Variants in VSTM4 observed in about 807,000 individuals in gnomAD.
The protein encoded by VSTM4 is V-set and transmembrane domain-containing protein 4.
A neutral mutation model predicts 36.4 loss-of-function variants in VSTM4; 20 were observed. That is an observed-to-expected ratio of 0.55 (90% confidence interval 0.39 to 0.80). The LOEUF (loss-of-function observed/expected upper bound fraction) is 0.80, where lower values mean the gene tolerates loss of function less well. Ranked by LOEUF, VSTM4 falls within the 30% of genes least tolerant of loss-of-function variation. VSTM4 has a pLI of 0.00. For synonymous variants in VSTM4, 182 were observed against 173.9 expected (o/e 1.05, Z -0.37); for missense variants, 392 against 404.5 (o/e 0.97, Z 0.26).
intron 4 of VSTM4, among the ~76,000 whole-genome samples, chr10:49,074,710 A>G (rs1844143645): frequency 6.6e-6 from 1 of 152,230 alleles, no homozygotes; most frequent in Admixed American, 6.5e-5. Context: ...AGATGCAGGT[A>G]CTGGCTAGAG....
At chr10:49,079,316 G>A (rs184844876) in intron 3 of VSTM4, among the ~76,000 whole-genome samples, 1 of 151,368 alleles carries the variant, frequency 6.6e-6, no homozygotes, top group African/African-American at 2.4e-5. Flanking sequence ...AGACCTTTCC[G>A]CCTCAGCCTC....
chr10:49,077,207 C>T lies in VSTM4; in HGVS notation c.634+12G>A, dbSNP rs371318134. 1 of 1,613,158 alleles carries T rather than the reference C, an allele frequency of 6.2e-7. No individual in the cohort carries two copies. The highest frequency in any genetic ancestry group is 1.3e-5 in the African/African-American group (1 of 74,902). Reference sequence around the variant, plus strand: ...GCTCCCATCCCAGACATGACCTTATCTGTTTTCTTACCTCTGGATTTCCGC... The same window carrying T: ...GCTCCCATCCCAGACATGACCTTATTTGTTTTCTTACCTCTGGATTTCCGC... On this transcript the variant is annotated intron_variant, in intron 4 of 7. Coordinates refer to ENST00000332853, the MANE Select transcript of VSTM4 (RefSeq NM_001031746.5).
At chr10:49,054,766 G>C (rs1843750056) in intron 5 of VSTM4, among the ~76,000 whole-genome samples, 1 of 152,190 alleles carries the variant, frequency 6.6e-6, no homozygotes, top group Non-Finnish European at 1.5e-5. Flanking sequence ...CTGAACCACA[G>C]TGCATGTGGC....
intron 4 of VSTM4, among the ~76,000 whole-genome samples, chr10:49,065,325 A>G (rs887443016): frequency 2.0e-5 from 3 of 152,182 alleles, no homozygotes; most frequent in Non-Finnish European, 4.4e-5. Flanking sequence ...AATAGAGGTA[A>G]AGCTGAAACA....
intron 5 of VSTM4, among the ~76,000 whole-genome samples, chr10:49,056,414 C>A (rs542249132): frequency 1.6e-4 from 24 of 152,356 alleles, no homozygotes; most frequent in Admixed American, 8.5e-4. Context: ...TCTGCTCAGC[C>A]AGGGGTAAGG....
Position 49,015,418 on chromosome 10 carries a change from C to A in VSTM4, c.*4232G>T, listed in dbSNP as rs1843090515. On this transcript the variant is annotated 3_prime_UTR_variant, in exon 8 of 8. Transcript: ENST00000332853. Reference sequence around the variant, plus strand: ...TTACAGGCGTGAGCCACCGTGCCCACCCAGGATCTACATTTTAACAAGATC... The same window carrying A: ...TTACAGGCGTGAGCCACCGTGCCCAACCAGGATCTACATTTTAACAAGATC... 6.6e-6 allele frequency: 1 copy of A among 151,728 alleles called. No individual in the cohort carries two copies. The highest frequency in any genetic ancestry group is 2.1e-4 in the South Asian group (1 of 4,786). The allele number at this position is 151,728 out of a possible 1,614,324, so 9.4% of individuals were successfully genotyped here.
intron 4 of VSTM4, among the ~76,000 whole-genome samples, chr10:49,071,805 C>CCCTCAGCT (rs1297420840): frequency 1.3e-5 from 2 of 152,178 alleles, no homozygotes; most frequent in Non-Finnish European, 2.9e-5. Flanking sequence ...TACCTTGATG[C>CCCTCAGCT]CCTCAGCTCC....
intron 7 of VSTM4, among the ~76,000 whole-genome samples, chr10:49,040,906 C>G (rs1454024567): frequency 6.6e-6 from 1 of 152,110 alleles, no homozygotes; most frequent in Non-Finnish European, 1.5e-5. Flanking sequence ...GCTCTGTGGC[C>G]TAGGATCACA....
chr10:49,027,895 T>A (rs1241337967), intron 7 of VSTM4, among the ~76,000 whole-genome samples: 1 of 152,226 alleles, frequency 6.6e-6, no homozygotes, highest in East Asian at 1.9e-4. Flanking sequence ...TTATAAACGT[T>A]CAAATATAGG....
intron 4 of VSTM4, among the ~76,000 whole-genome samples, chr10:49,067,004 A>C (rs911573401): frequency 2.0e-5 from 3 of 152,208 alleles, no homozygotes; most frequent in Admixed American, 2.0e-4. Context: ...CAAAATTTCT[A>C]ACAGTTAAAA....
Position 49,115,432 on chromosome 10 carries a change from C to A in VSTM4, c.54G>T (p.Pro18=), listed in dbSNP as rs1315466754. The change falls in exon 1 of 8, where the codon CCG becomes CCT. Residue 18 remains proline, a splice_region_variant and synonymous_variant. Coordinates refer to ENST00000332853, the MANE Select transcript of VSTM4 (RefSeq NM_001031746.5). ...CCCGCCTGGCCCCGCCGCGCTTACC[C>A]GGAGCCGGAGCCCGCGCCAGCAGCG... ...AAALLARAPA[P]EVCAALNVTV... 3.8e-6 allele frequency: 4 copies of A among 1,042,660 alleles called. No homozygotes were observed. The highest frequency in any genetic ancestry group is 4.6e-6 in the Non-Finnish European group (4 of 863,012). The allele number at this position is 1,042,660 out of a possible 1,614,324, so 64.6% of individuals were successfully genotyped here.
At position 49,016,059 on chromosome 10, in the gene VSTM4, G is replaced by A. The variant is rs1304374615; in HGVS notation, c.*3591C>T. 2 of 152,232 alleles carry A rather than the reference G, an allele frequency of 1.3e-5. No individual in the cohort carries two copies. Among genetic ancestry groups the A allele is most frequent in the African/African-American group, 4.8e-5 (2 of 41,456 alleles). The allele number at this position is 152,232 out of a possible 1,614,324, so 9.4% of individuals were successfully genotyped here. On this transcript the variant is annotated 3_prime_UTR_variant, in exon 8 of 8. Coordinates refer to ENST00000332853, the MANE Select transcript of VSTM4 (RefSeq NM_001031746.5). ...ACACACGGTGCAGCAGGAGCTCAGGGGCTGCAATGCAGCCACTGGGTGTGA... is the reference window on the plus strand; with the variant it reads ...ACACACGGTGCAGCAGGAGCTCAGGAGCTGCAATGCAGCCACTGGGTGTGA...
At chr10:49,078,846 T>C (rs1007699550) in intron 3 of VSTM4, among the ~76,000 whole-genome samples, 2 of 149,872 alleles carry the variant, frequency 1.3e-5, no homozygotes, top group Non-Finnish European at 3.0e-5. Context: ...TTTTTAGAAA[T>C]TGATTTTTTC....
Position 49,040,386 on chromosome 10 carries a change from G to A in VSTM4, c.837+6597C>T, listed in dbSNP as rs535022011. Among the ~76,000 whole-genome samples, 8 of 152,082 alleles carry A rather than the reference G, an allele frequency of 5.3e-5. No homozygotes were observed. The South Asian group carries it at 1.5e-3, about 28-fold the overall frequency. On this transcript the variant is annotated intron_variant, in intron 7 of 7. Coordinates refer to ENST00000332853, the MANE Select transcript of VSTM4 (RefSeq NM_001031746.5). ...CAACCTCCATTTCCCGGGTTCAAGC[G>A]ATTCTCCTGCCTCAGCCTCCTAAGT...
At chr10:49,098,778 C>T (rs116203182) in intron 2 of VSTM4, among the ~76,000 whole-genome samples, 2,406 of 152,312 alleles carry the variant, frequency 0.016, 68 homozygotes, top group African/African-American at 0.056. Context: ...GTCCCCTGCA[C>T]TCACACTGCA....
At chr10:49,102,216 C>T (rs917543373) in intron 2 of VSTM4, 6 of 164,890 alleles carry the variant, frequency 3.6e-5, no homozygotes, top group Non-Finnish European at 7.1e-5. Flanking sequence ...TGGCTCACTG[C>T]AGCCTTTGCC....
At chr10:49,108,540 C>G (rs1170675772) in intron 1 of VSTM4, among the ~76,000 whole-genome samples, 1 of 152,224 alleles carries the variant, frequency 6.6e-6, no homozygotes, top group Non-Finnish European at 1.5e-5. Context: ...TTCCCTGACT[C>G]CGCTATTTCA....
Position 49,019,501 on chromosome 10 carries a change from C to T in VSTM4, c.*149G>A. On this transcript the variant is annotated 3_prime_UTR_variant, in exon 8 of 8. Transcript: ENST00000332853. ...TTTTGGGGAGAGCAGGCTTGTACCT[C>T]TTCAAAGGCACCCAGAATGCTGCTG... 1.7e-6 allele frequency: 2 copies of T among 1,208,864 alleles called. No individual in the cohort carries two copies. Among genetic ancestry groups the T allele is most frequent in the Admixed American group, 5.5e-5 (2 of 36,622 alleles). 74.9% of individuals were successfully genotyped at this position (1,208,864 alleles called of 1,614,324 possible). A position where few individuals can be genotyped will look rare whatever the true frequency, so the allele number is the denominator to read the frequency against.
intron 2 of VSTM4, among the ~76,000 whole-genome samples, chr10:49,087,463 C>T (rs952132445): frequency 2.0e-5 from 3 of 152,054 alleles, no homozygotes; most frequent in African/African-American, 7.2e-5. Context: ...ATCTTGGTGA[C>T]TCTAGATAAA....
Sources: gnomAD v4.1 joint callset for allele counts (sites outside exome capture counted in the v4.1 genomes callset) on GRCh38, gnomAD v4.1.1 for gene constraint, MANE v1.5 for transcripts, NCBI Gene and HGNC (gene_info 2026-07-23, HGNC 2026-07-21) for gene names.